The following ZMYND12 variants were observed in gnomAD, a reference collection of about 807,000 sequenced individuals.
ZMYND12 encodes the protein zinc finger MYND-type containing 12.
Under a neutral mutation model 41.7 loss-of-function variants are expected in ZMYND12, and 32 were observed. The ratio of observed to expected loss-of-function variants is 0.77; its 90% CI spans 0.58 to 1.03. The LOEUF is 1.03. ZMYND12 is among the 50% of genes least tolerant of loss of function. ZMYND12 has a pLI of 0.00. For missense variants in ZMYND12, 424 were observed against 438.5 expected (o/e 0.97, Z 0.30); for synonymous variants, 148 against 164.8 (o/e 0.90, Z 0.78).
At chr1:42,455,213 A>G (rs557803035) in intron 1 of ZMYND12, among the ~76,000 whole-genome samples, 24 of 152,326 alleles carry the variant, frequency 1.6e-4, no homozygotes, top group African/African-American at 5.3e-4. Flanking sequence ...TCCTGTACAC[A>G]GCAGGTTCTG....
intron 2 of ZMYND12, among the ~76,000 whole-genome samples, chr1:42,449,252 C>T (rs910361757): frequency 3.9e-5 from 6 of 152,076 alleles, no homozygotes; most frequent in Non-Finnish European, 5.9e-5. Context: ...TTTTGGTAAC[C>T]TCCTTTATTT....
intron 3 of ZMYND12, among the ~76,000 whole-genome samples, chr1:42,442,605 A>C (rs894786962): frequency 6.6e-6 from 1 of 152,130 alleles, no homozygotes. Flanking sequence ...TCTGGGGGCG[A>C]AGCATTGGTG....
At chr1:42,453,285 AT>A (rs1447185144) in intron 1 of ZMYND12, among the ~76,000 whole-genome samples, 3 of 152,226 alleles carry the variant, frequency 2.0e-5, no homozygotes, top group Admixed American at 1.3e-4. Context: ...GGCATAGAAG[AT>A]GATAATTTAT....
intron 1 of ZMYND12, among the ~76,000 whole-genome samples, chr1:42,454,060 C>T (rs1191930339): frequency 6.6e-6 from 1 of 152,036 alleles, no homozygotes; most frequent in Admixed American, 6.5e-5. Flanking sequence ...AAACTGAGAA[C>T]TGAAGGATGA....
intron 3 of ZMYND12, among the ~76,000 whole-genome samples, chr1:42,444,441 A>C (rs904429674): frequency 6.6e-6 from 1 of 152,220 alleles, no homozygotes; most frequent in Non-Finnish European, 1.5e-5. Context: ...GTTTTAAACC[A>C]ATGACTGTGA....
intron 3 of ZMYND12, among the ~76,000 whole-genome samples, chr1:42,447,794 A>G (rs1431017825): frequency 1.3e-5 from 2 of 152,102 alleles, no homozygotes; most frequent in Non-Finnish European, 2.9e-5. Flanking sequence ...ATTTTTTTAA[A>G]TGGTGGCCAC....
chr1:42,444,964 C>T lies in ZMYND12; in HGVS notation c.424+3503G>A, dbSNP rs528230460. ...TTGGGACTACAGGCACCCGCCACCA[C>T]GCCCGGCTAATTTTTTTGTATTTTT... On this transcript the variant is annotated intron_variant, in intron 3 of 7. Coordinates refer to ENST00000372565, the MANE Select transcript of ZMYND12 (RefSeq NM_032257.5). 2.6e-5 allele frequency among the ~76,000 whole-genome samples: 4 copies of T among 151,496 alleles called. No homozygotes were observed. In the East Asian group the frequency reaches 5.9e-4, roughly 22 times the overall value.
chr1:42,450,987 T>A (rs1033312489), intron 1 of ZMYND12, among the ~76,000 whole-genome samples: 1 of 152,252 alleles, frequency 6.6e-6, no homozygotes, highest in African/African-American at 2.4e-5. Flanking sequence ...ATTTATTTTA[T>A]GGTCTAATAT....
intron 1 of ZMYND12, 103 bp downstream of exon 1, chr1:42,455,785 G>T: frequency 1.2e-6 from 1 of 837,902 alleles, no homozygotes; most frequent in Non-Finnish European, 1.9e-6. Context: ...GGTGTCCCTT[G>T]CAGAGTCAGG....
chr1:42,442,371 A>G (rs537074785), intron 3 of ZMYND12, among the ~76,000 whole-genome samples: 1 of 152,224 alleles, frequency 6.6e-6, no homozygotes. Context: ...AGAGACAGGA[A>G]GTAAAATGGA....
intron 1 of ZMYND12, among the ~76,000 whole-genome samples, chr1:42,453,411 T>C (rs531940700): frequency 2.5e-4 from 38 of 152,290 alleles, no homozygotes; most frequent in Non-Finnish European, 4.6e-4. Flanking sequence ...TGCTAGAGAC[T>C]ATGGGGCATA....
rs1044151772 is a variant in ZMYND12, at chr1:42,431,189, T to C, written c.976-331A>G. On this transcript the variant is annotated intron_variant, in intron 7 of 7. Transcript: ENST00000372565. ...GCATAGAGGTGACAGGTGCCACAAG[T>C]AAATTACCACTCTGGGGTGGTCCTG... Among the ~76,000 whole-genome samples, 5 of 152,160 alleles carry C rather than the reference T, an allele frequency of 3.3e-5. No homozygotes were observed. The East Asian group carries it at 5.8e-4, about 18-fold the overall frequency.
chr1:42,433,586 G>A (rs542361522), intron 6 of ZMYND12, among the ~76,000 whole-genome samples: 11 of 152,216 alleles, frequency 7.2e-5, no homozygotes, highest in South Asian at 4.2e-4. Context: ...TCTCTCTTTC[G>A]GAGTCCTGAA....
At position 42,439,969 on chromosome 1, in the gene ZMYND12, G is replaced by C. The variant is rs1642951039; in HGVS notation, c.481C>G (p.Leu161Val). 1.2e-6 allele frequency: 2 copies of C among 1,613,986 alleles called. No individual in the cohort carries two copies. The highest frequency in any genetic ancestry group is 2.2e-5 in the East Asian group (1 of 44,878). The change falls in exon 4 of 8, where the codon CTC (leucine) becomes GTC (valine). Residue 161 changes from leucine (L) to valine (V), a missense_variant. Physicochemically the swap from Leu to Val is conservative, Grantham distance 32. Coordinates refer to ENST00000372565, the MANE Select transcript of ZMYND12 (RefSeq NM_032257.5). ...EYLFQAQWTVLKSTDCSNATH... is the reference protein window; with the variant it reads ...EYLFQAQWTVVKSTDCSNATH... ...GCATTACTACAGTCAGTTGATTTGA[G>C]GACTGTCCACTGGGCTTGGAATAGA... is the stretch of plus-strand genomic sequence containing the variant.
chr1:42,437,830 T>C (rs1016322288), intron 4 of ZMYND12, among the ~76,000 whole-genome samples: 4 of 152,054 alleles, frequency 2.6e-5, no homozygotes, highest in African/African-American at 9.7e-5. Context: ...TACAGGCACA[T>C]GCCACCACAC....
intron 5 of ZMYND12, among the ~76,000 whole-genome samples, chr1:42,436,176 C>T (rs1035376580): frequency 6.6e-6 from 1 of 152,154 alleles, no homozygotes; most frequent in Non-Finnish European, 1.5e-5. Flanking sequence ...CTCTTACTGA[C>T]CTGTCCTTCA....
In ZMYND12 at chr1:42,440,113, T is replaced by G. The variant is rs1212899771; in HGVS notation, c.425-88A>C. Reference sequence around the variant, plus strand: ...ATGAGTCATTACCCATTCACTCATGTATTCATTGACTCAAGTATTTATTGA... The same window carrying G: ...ATGAGTCATTACCCATTCACTCATGGATTCATTGACTCAAGTATTTATTGA... On this transcript the variant is annotated intron_variant, in intron 3 of 7. Transcript: ENST00000372565. The G allele has an allele frequency of 2.2e-6, 3 of 1,367,230 alleles. No homozygotes were observed. In the African/African-American group the frequency reaches 4.4e-5, roughly 20 times the overall value. The allele number at this position is 1,367,230 out of a possible 1,614,324, so 84.7% of individuals were successfully genotyped here.
At chr1:42,445,711 G>A (rs979333593) in intron 3 of ZMYND12, among the ~76,000 whole-genome samples, 7 of 152,082 alleles carry the variant, frequency 4.6e-5, no homozygotes, top group African/African-American at 1.7e-4. Flanking sequence ...TGAGGTGAGA[G>A]AATTTGTTAA....
chr1:42,436,970 AC>A (rs1291438373), intron 4 of ZMYND12, among the ~76,000 whole-genome samples: 1 of 152,178 alleles, frequency 6.6e-6, no homozygotes, highest in Non-Finnish European at 1.5e-5. Context: ...CTAAGTACCT[AC>A]CCACAAAGAC....
Sources: allele counts gnomAD v4.1 joint callset (sites outside exome capture counted in the v4.1 genomes callset), GRCh38; gene constraint gnomAD v4.1.1; transcripts MANE v1.5; gene names NCBI Gene and HGNC (gene_info 2026-07-23, HGNC 2026-07-21).